The following FAF1 variants were observed in gnomAD, a reference collection of about 807,000 sequenced individuals.
FAF1 encodes the protein FAS-associated factor 1.
Under a neutral mutation model 92.5 loss-of-function variants are expected in FAF1, and 25 were observed. That is an observed-to-expected ratio of 0.27 (90% CI 0.20 to 0.38). FAF1 has a LOEUF of 0.38. Ranked by LOEUF, FAF1 falls within the 10% of genes least tolerant of loss-of-function variation. The pLI is 1.00. For missense variants in FAF1, 636 were observed against 793.3 expected (o/e 0.80, Z 2.38); for synonymous variants, 234 against 273.2 (o/e 0.86, Z 1.42).
At chr1:50,519,647 A>G (rs1211397745) in intron 15 of FAF1, among the ~76,000 whole-genome samples, 1 of 152,222 alleles carries the variant, frequency 6.6e-6, no homozygotes, top group East Asian at 1.9e-4. Flanking sequence ...ATGTATGGCT[A>G]TTGTTAAAGT....
chr1:50,805,959 CAAAG>C (rs1317092109), intron 2 of FAF1, among the ~76,000 whole-genome samples: 3 of 151,606 alleles, frequency 2.0e-5, no homozygotes, highest in Non-Finnish European at 4.4e-5. Context: ...ACCAAGAAAA[CAAAG>C]AAGAAAACTG....
At chr1:50,544,255 G>A (rs568792613) in intron 13 of FAF1, among the ~76,000 whole-genome samples, 4 of 152,294 alleles carry the variant, frequency 2.6e-5, no homozygotes, top group South Asian at 4.2e-4. Context: ...TAGGAAAACA[G>A]AGTATATGAC....
Position 50,933,741 on chromosome 1 carries a change from A to G in FAF1, c.45+26026T>C, listed in dbSNP as rs115797343. On this transcript the variant is annotated intron_variant, in intron 1 of 18. Coordinates refer to ENST00000396153, the MANE Select transcript of FAF1 (RefSeq NM_007051.3). ...TCATGCTGCTGATACAGACACATCCAAAACAGGGAACAAAGAGAGGTTTAA... is the reference window on the plus strand; with the variant it reads ...TCATGCTGCTGATACAGACACATCCGAAACAGGGAACAAAGAGAGGTTTAA... Among the ~76,000 whole-genome samples, 591 of 152,334 alleles carry G rather than the reference A, an allele frequency of 3.9e-3. 1 individual carries two copies. Among genetic ancestry groups the G allele is most frequent in the African/African-American group, 0.013 (558 of 41,582 alleles).
intron 6 of FAF1, among the ~76,000 whole-genome samples, chr1:50,723,073 TA>T (rs1658480891): frequency 6.6e-6 from 1 of 152,180 alleles, no homozygotes; most frequent in South Asian, 2.1e-4. Flanking sequence ...TAAGGATTAA[TA>T]TTTGTGCAGA....
At chr1:50,869,422 G>A (rs1464081) in intron 1 of FAF1, among the ~76,000 whole-genome samples, 15,012 of 152,026 alleles carry the variant, frequency 0.099, 1,017 homozygotes, top group South Asian at 0.32. Context: ...CCCATTCTCT[G>A]GTGGCTTTTA....
At chr1:50,627,814 C>T (rs1006266957) in intron 8 of FAF1, among the ~76,000 whole-genome samples, 7 of 150,164 alleles carry the variant, frequency 4.7e-5, no homozygotes, top group African/African-American at 1.7e-4. Flanking sequence ...GTGTATTTTC[C>T]TAATTGTTTT....
intron 1 of FAF1, among the ~76,000 whole-genome samples, chr1:50,907,798 T>G (rs1037722113): frequency 6.6e-6 from 1 of 151,898 alleles, no homozygotes; most frequent in Non-Finnish European, 1.5e-5. Flanking sequence ...TGCTATCAAT[T>G]TTGCTGATCT....
At chr1:50,884,327 C>A (rs1644638924) in intron 1 of FAF1, among the ~76,000 whole-genome samples, 1 of 150,542 alleles carries the variant, frequency 6.6e-6, no homozygotes, top group Non-Finnish European at 1.5e-5. Flanking sequence ...CTAGCCTGGC[C>A]AACAGGCGAA....
At chr1:50,555,498 C>T (rs1649532394) in intron 13 of FAF1, among the ~76,000 whole-genome samples, 1 of 152,010 alleles carries the variant, frequency 6.6e-6, no homozygotes. Context: ...GGCCAACAAA[C>T]ATGAAATAAT....
intron 8 of FAF1, chr1:50,606,755 C>T (rs138435918): frequency 0.017 from 2,655 of 152,524 alleles, 38 homozygotes; most frequent in Non-Finnish European, 0.027. Context: ...CCCACCTCGG[C>T]CTCCCAAAGT....
rs1306077591 is a variant in FAF1, at chr1:50,567,317, T to A, written c.1114-86A>T. 11 of 964,554 alleles carry A rather than the reference T, an allele frequency of 1.1e-5. No individual in the cohort carries two copies. In the Admixed American group the frequency reaches 3.0e-4, roughly 26 times the overall value. The allele number at this position is 964,554 out of a possible 1,614,324, so 59.7% of individuals were successfully genotyped here. On this transcript the variant is annotated intron_variant, in intron 12 of 18. Coordinates refer to ENST00000396153, the MANE Select transcript of FAF1 (RefSeq NM_007051.3). ...TTTAGAGAGGCATAATTAGTCTATA[T>A]GAACAGCAAAGACAAAAATTAAATG...
chr1:50,777,885 T>C (rs530109887), intron 4 of FAF1, among the ~76,000 whole-genome samples: 7 of 152,160 alleles, frequency 4.6e-5, no homozygotes, highest in Non-Finnish European at 5.9e-5. Flanking sequence ...GACCATTTTA[T>C]AAAAATGTTT....
intron 8 of FAF1, among the ~76,000 whole-genome samples, chr1:50,629,827 G>C (rs187641724): frequency 3.3e-5 from 5 of 152,236 alleles, no homozygotes; most frequent in Admixed American, 3.3e-4. Flanking sequence ...GGGAGGCCGA[G>C]ACAGGCAGAT....
In FAF1 at chr1:50,834,965, G is replaced by T. The variant is rs1644187139; in HGVS notation, c.114+22964C>A. On this transcript the variant is annotated intron_variant, in intron 2 of 18. Transcript: ENST00000396153. Reference sequence around the variant, plus strand: ...CTTACTCTTTGGAGTCTTGAATAATGAATGCAACAGATAACACAGCAAAGA... The same window carrying T: ...CTTACTCTTTGGAGTCTTGAATAATTAATGCAACAGATAACACAGCAAAGA... 6.6e-5 allele frequency among the ~76,000 whole-genome samples: 10 copies of T among 152,270 alleles called. No individual in the cohort carries two copies. In the South Asian group the frequency reaches 2.1e-3, roughly 32 times the overall value.
At chr1:50,761,124 C>A (rs1295434191) in intron 4 of FAF1, among the ~76,000 whole-genome samples, 1 of 152,124 alleles carries the variant, frequency 6.6e-6, no homozygotes, top group South Asian at 2.1e-4. Flanking sequence ...TACACCCTCC[C>A]AAGACTAAAC....
chr1:50,549,407 C>A (rs1318817141), intron 13 of FAF1, among the ~76,000 whole-genome samples: 2 of 152,038 alleles, frequency 1.3e-5, no homozygotes, highest in African/African-American at 4.8e-5. Flanking sequence ...CTCCTGGGCT[C>A]AAGCGATCCT....
chr1:50,554,386 T>TAGAG (rs760933574), intron 13 of FAF1, among the ~76,000 whole-genome samples: 6,396 of 98,948 alleles, frequency 0.065, 175 homozygotes, highest in Middle Eastern at 0.12. Context: ...TATATATATA[T>TAGAG]ATATAGAGAG....
intron 18 of FAF1, among the ~76,000 whole-genome samples, chr1:50,446,147 T>C (rs1213387746): frequency 6.6e-6 from 1 of 152,160 alleles, no homozygotes; most frequent in African/African-American, 2.4e-5. Context: ...CCCCTTCATT[T>C]CATAGAAGGG....
At chr1:50,557,121 A>G (rs1415550881) in intron 13 of FAF1, among the ~76,000 whole-genome samples, 1 of 152,128 alleles carries the variant, frequency 6.6e-6, no homozygotes, top group Non-Finnish European at 1.5e-5. Context: ...AGGCTTTTTA[A>G]TTTTTCACAT....
Sources: gnomAD v4.1 joint callset for allele counts (sites outside exome capture counted in the v4.1 genomes callset) on GRCh38, gnomAD v4.1.1 for gene constraint, MANE v1.5 for transcripts, NCBI Gene and HGNC (gene_info 2026-07-23, HGNC 2026-07-21) for gene names.